SETD5: variants seen among roughly 807,000 people sequenced by gnomAD.
SETD5 encodes histone-lysine N-methyltransferase SETD5.
SETD5 carries 44 observed loss-of-function variants against 153.3 expected under a neutral mutation model. The ratio of observed to expected loss-of-function variants is 0.29; its 90% CI spans 0.23 to 0.37. The LOEUF is 0.37. SETD5 is among the 10% of genes least tolerant of loss of function. The pLI is 1.00. For synonymous variants in SETD5, 716 were observed against 645.2 expected, an observed-to-expected ratio of 1.11 and a Z score of -1.66; for missense variants, 1,544 against 1,768.0, an observed-to-expected ratio of 0.87 and a Z score of 2.27.
At chr3:9,445,325 A>C (rs1282751885) in intron 12 of SETD5, 25 bp downstream of exon 12, 6 of 1,588,934 alleles carry the variant, frequency 3.8e-6, no homozygotes, top group Non-Finnish European at 5.1e-6. Flanking sequence ...TCAAATGATG[A>C]TGCTATGGCA....
chr3:9,435,523 G>A (rs1189017030), intron 6 of SETD5, among the ~76,000 whole-genome samples: 1 of 152,216 alleles, frequency 6.6e-6, no homozygotes, highest in African/African-American at 2.4e-5. Flanking sequence ...AATACCATGA[G>A]GAACAGGGTT....
chr3:9,457,814 A>G (rs1472456767), intron 17 of SETD5, among the ~76,000 whole-genome samples: 1 of 149,526 alleles, frequency 6.7e-6, no homozygotes, highest in Admixed American at 6.6e-5. Context: ...GAATATATAT[A>G]TGTGTATATA....
At chr3:9,414,852 GTA>G (rs2037174074) in intron 1 of SETD5, among the ~76,000 whole-genome samples, 1 of 151,458 alleles carries the variant, frequency 6.6e-6, no homozygotes, top group South Asian at 2.1e-4. Flanking sequence ...TGGTTACTGA[GTA>G]TTGGAAAAGG....
chr3:9,411,679 G>T (rs1453318715), intron 1 of SETD5, among the ~76,000 whole-genome samples: 1 of 152,180 alleles, frequency 6.6e-6, no homozygotes, highest in Admixed American at 6.5e-5. Context: ...AACAGTGGCT[G>T]GTGCAACATA....
At chr3:9,455,334 G>C (rs933952005) in intron 17 of SETD5, among the ~76,000 whole-genome samples, 1 of 151,760 alleles carries the variant, frequency 6.6e-6, no homozygotes, top group African/African-American at 2.4e-5. Flanking sequence ...TCGAACTCCT[G>C]ACCTCAGGAG....
intron 17 of SETD5, among the ~76,000 whole-genome samples, chr3:9,454,809 C>T (rs2125371111): frequency 6.6e-6 from 1 of 152,088 alleles, no homozygotes; most frequent in South Asian, 2.1e-4. Flanking sequence ...AATCTTTTTA[C>T]CAGTTTCTCC....
Position 9,476,491 on chromosome 3 carries a change from A to C in SETD5, c.*400A>C, listed in dbSNP as rs1287064652. 6.2e-6 allele frequency: 1 copy of C among 162,444 alleles called. No individual in the cohort carries two copies. Among genetic ancestry groups the C allele is most frequent in the African/African-American group, 2.4e-5 (1 of 41,584 alleles). 10.1% of individuals were successfully genotyped at this position (162,444 alleles called of 1,614,324 possible). On this transcript the variant is annotated 3_prime_UTR_variant, in exon 23 of 23. Transcript: ENST00000402198. ...AAAAAAAAAAAAAGTTTTCAAAGGA[A>C]AAAAAGTTAAAAGAGCCAATCTCAA...
intron 1 of SETD5, among the ~76,000 whole-genome samples, chr3:9,406,721 T>C (rs908134144): frequency 6.6e-6 from 1 of 152,078 alleles, no homozygotes; most frequent in Non-Finnish European, 1.5e-5. Flanking sequence ...TTGTGGCAAA[T>C]AGAACTTTAA....
chr3:9,471,331 C>T (rs933947643), intron 19 of SETD5, among the ~76,000 whole-genome samples: 7 of 152,164 alleles, frequency 4.6e-5, no homozygotes, highest in Non-Finnish European at 1.0e-4. Context: ...CCCGTGGTCA[C>T]ACAGCTAGTA....
At chr3:9,399,057 C>T (rs749464439) in intron 1 of SETD5, among the ~76,000 whole-genome samples, 21 of 152,202 alleles carry the variant, frequency 1.4e-4, no homozygotes, top group Non-Finnish European at 2.4e-4. Context: ...TTCATTTCTC[C>T]AGTTTCCTTC....
intron 17 of SETD5, among the ~76,000 whole-genome samples, chr3:9,462,333 A>G (rs372696968): frequency 1.3e-5 from 2 of 152,300 alleles, no homozygotes. Flanking sequence ...CACGCCTGTA[A>G]TCCCAGCACT....
chr3:9,447,672 T>C lies in SETD5; in HGVS notation c.1783-14T>C, dbSNP rs1204218830. 6.2e-7 allele frequency: 1 copy of C among 1,611,100 alleles called. No individual in the cohort carries two copies. Among genetic ancestry groups the C allele is most frequent in the Admixed American group, 1.7e-5 (1 of 59,826 alleles). ...AACATTTCTGGTAAGCATCTGACCC[T>C]ACTATTGCTACAGGATATTGCTGCA... is the stretch of plus-strand genomic sequence containing the variant. On this transcript the variant is annotated splice_polypyrimidine_tract_variant and intron_variant, in intron 14 of 22. Coordinates refer to ENST00000402198, the MANE Select transcript of SETD5 (RefSeq NM_001080517.3).
rs943117611 is a variant in SETD5 at position 9,397,730 on chromosome 3, C to T, written c.-424C>T. ...CGCCGCCCGCCTGCGCTCAGAGACT[C>T]ACGCAGCCCCAGTCCCGCCAGTCCG... is the stretch of plus-strand genomic sequence containing the variant. On this transcript the variant is annotated 5_prime_UTR_variant, in exon 1 of 23. Transcript: ENST00000402198. 4 of 174,256 alleles carry T rather than the reference C, an allele frequency of 2.3e-5. No individual in the cohort carries two copies. The highest frequency in any genetic ancestry group is 9.6e-5 in the African/African-American group (4 of 41,520). 10.8% of individuals were successfully genotyped at this position (174,256 alleles called of 1,614,324 possible).
intron 3 of SETD5, chr3:9,431,554 G>C (rs1466753034): frequency 7.1e-6 from 7 of 984,862 alleles, no homozygotes; most frequent in Non-Finnish European, 8.4e-6. Context: ...TAACCAATAT[G>C]GAAATTGCAG....
intron 1 of SETD5, among the ~76,000 whole-genome samples, chr3:9,404,461 A>G (rs576364270): frequency 2.2e-4 from 33 of 152,354 alleles, no homozygotes; most frequent in African/African-American, 7.9e-4. Context: ...CATCAGTAAA[A>G]TAGCAACAGC....
chr3:9,475,715 C>G lies in SETD5; in HGVS notation c.3953C>G (p.Pro1318Arg), dbSNP rs2045789807. The G allele has an allele frequency of 6.2e-7, 1 of 1,613,950 alleles. No homozygotes were observed. The highest frequency in any genetic ancestry group is 8.5e-7 in the Non-Finnish European group (1 of 1,179,874). ...TCGTTGGCCCCATTTACGGGGACAC[C>G]AGGGTATTTTAGCAGCCAGCCACAT... is the stretch of plus-strand genomic sequence containing the variant. The part of the protein sequence containing the change: ...TDSLAPFTGT[P>R]GYFSSQPHSG... Residue 1318 changes from proline to arginine, a missense_variant, in exon 23 of 23, where the codon CCA (proline) becomes CGA (arginine). Transcript: ENST00000402198.
intron 7 of SETD5, among the ~76,000 whole-genome samples, chr3:9,436,434 T>G (rs2040577486): frequency 6.6e-6 from 1 of 152,256 alleles, no homozygotes; most frequent in Admixed American, 6.5e-5. Flanking sequence ...GTGTTCTTTC[T>G]TCCCCATCAC....
chr3:9,472,227 A>AT (rs1221546247), intron 19 of SETD5, among the ~76,000 whole-genome samples: 11 of 152,354 alleles, frequency 7.2e-5, no homozygotes, highest in South Asian at 2.1e-4. Flanking sequence ...TTAAGCATAA[A>AT]TTTAAGCATA....
chr3:9,473,220 G>GT lies in SETD5; in HGVS notation c.3196-10dup, dbSNP rs758703016. On this transcript the variant is annotated splice_polypyrimidine_tract_variant and intron_variant, in intron 19 of 22. Coordinates refer to ENST00000402198, the MANE Select transcript of SETD5 (RefSeq NM_001080517.3). Reference sequence around the variant, plus strand: ...ATAGAGTACCGTTTTTTGTTTGTTTGTTTTTTCCTTTCTAGGTATCCCTGC... The same window carrying GT: ...ATAGAGTACCGTTTTTTGTTTGTTTGTTTTTTTCCTTTCTAGGTATCCCTGC... 1.1e-5 allele frequency: 17 copies of GT among 1,599,238 alleles called. No individual in the cohort carries two copies. In the Admixed American group the frequency reaches 1.2e-4, roughly 12 times the overall value.
Sources: allele counts gnomAD v4.1 joint callset (sites outside exome capture counted in the v4.1 genomes callset), GRCh38; gene constraint gnomAD v4.1.1; transcripts MANE v1.5; gene names NCBI Gene and HGNC (gene_info 2026-07-23, HGNC 2026-07-21).